Variants in SERPINB1 observed in about 807,000 individuals in gnomAD.
SERPINB1 encodes the protein leukocyte elastase inhibitor.
In SERPINB1, 23 loss-of-function variants were observed where a neutral mutation model predicts 25.9. That is an observed-to-expected ratio of 0.89 (90% CI 0.64 to 1.26). The LOEUF (loss-of-function observed/expected upper bound fraction) is 1.26, where lower values mean the gene tolerates loss of function less well. SERPINB1 is among the 50% of genes most tolerant of loss of function. The pLI is 0.00. For synonymous variants in SERPINB1, 178 were observed against 178.7 expected (o/e 1.00, Z 0.03); for missense variants, 399 against 463.6 (o/e 0.86, Z 1.28).
chr6:2,840,658 T>C (rs892836976), intron 1 of SERPINB1, 64 bp from the exon 2 acceptor site: 1 of 1,466,530 alleles, frequency 6.8e-7, no homozygotes. Flanking sequence ...GGCAGCACTA[T>C]TTCTCCAGAA....
Position 2,840,494 on chromosome 6 carries a change from A to C in SERPINB1, c.93T>G (p.Ser31=). ...CCATAGCAGATGAAATGCTGAAGGG[A>C]GAGATGAAGATGTTTCCAGCCGGAT... The part of the protein sequence containing the change: ...ENNPAGNIFI[S]PFSISSAMAM... The change falls in exon 2 of 7, where the codon TCT becomes TCG. Residue 31 remains serine, a synonymous_variant. Transcript: ENST00000380739. 6.2e-7 allele frequency: 1 copy of C among 1,614,084 alleles called. No individual in the cohort carries two copies. The highest frequency in any genetic ancestry group is 2.2e-5 in the East Asian group (1 of 44,870).
At chr6:2,838,481 C>T in intron 3 of SERPINB1, 68 bp downstream of exon 3, 5 of 1,343,892 alleles carry the variant, frequency 3.7e-6, no homozygotes, top group Non-Finnish European at 4.9e-6. Context: ...ACCTCCATGA[C>T]TTGATTGTGC....
chr6:2,832,998 A>G lies in SERPINB1; in HGVS notation c.*610T>C, dbSNP rs41300837. 0.039 allele frequency: 5,979 copies of G among 152,270 alleles called. 166 individuals carry two copies. Among genetic ancestry groups the G allele is most frequent in the African/African-American group, 0.08 (3,340 of 41,534 alleles). 9.4% of individuals were successfully genotyped at this position (152,270 alleles called of 1,614,324 possible). ...CAGCGCCACATGAACTATATATTAT[A>G]CATAAAGAAGAACAAAAAAGGGAAT... On this transcript the variant is annotated 3_prime_UTR_variant, in exon 7 of 7. Transcript: ENST00000380739.
In SERPINB1 at chr6:2,841,504, G is replaced by A. The variant is rs996170986; in HGVS notation, c.-9+308C>T. On this transcript the variant is annotated intron_variant, in intron 1 of 6. Transcript: ENST00000380739. The surrounding 1 kb of genome is among the most constrained non-coding windows in gnomAD (Gnocchi z 4.5). Reference sequence around the variant, plus strand: ...GGAGGAAGGGAATTCAGGGAGAAGGGACAACATTCTGATCTCAGGTTTCAG... The same window carrying A: ...GGAGGAAGGGAATTCAGGGAGAAGGAACAACATTCTGATCTCAGGTTTCAG... 5 of 152,532 alleles carry A rather than the reference G, an allele frequency of 3.3e-5. No individual in the cohort carries two copies. Among genetic ancestry groups the A allele is most frequent in the African/African-American group, 1.2e-4 (5 of 41,446 alleles). The allele number at this position is 152,532 out of a possible 1,614,324, so 9.4% of individuals were successfully genotyped here.
chr6:2,833,851 A>C lies in SERPINB1; in HGVS notation c.897T>G (p.Ser299Arg), dbSNP rs1488824187. The C allele has an allele frequency of 1.9e-6, 3 of 1,614,184 alleles. No homozygotes were observed. Among genetic ancestry groups the C allele is most frequent in the Middle Eastern group, 1.6e-4 (1 of 6,062 alleles). The change falls in exon 7 of 7, where the codon AGT becomes AGG. Residue 299 changes from serine (S) to arginine (R), a missense_variant. Physicochemically the swap from Ser to Arg is moderately radical, Grantham distance 110 (BLOSUM62 -1). Coordinates refer to ENST00000380739, the MANE Select transcript of SERPINB1 (RefSeq NM_030666.4). Reference protein sequence around the residue: ...ARLGVQDLFNSSKADLSGMSG... With the variant: ...ARLGVQDLFNRSKADLSGMSG... The stretch of plus-strand genomic sequence containing the variant: ...ACATGCCAGACAGATCAGCCTTGCT[A>C]CTGTTAAAGAGATCCTGCACACCTA...
intron 2 of SERPINB1, among the ~76,000 whole-genome samples, chr6:2,840,042 A>G (rs922602330): frequency 6.6e-6 from 1 of 152,088 alleles, no homozygotes; most frequent in African/African-American, 2.4e-5. Flanking sequence ...GGCAATATTT[A>G]TGAGTTGCAT....
intron 6 of SERPINB1, 32 bp downstream of exon 6, chr6:2,835,824 G>C: frequency 1.3e-6 from 2 of 1,589,410 alleles, no homozygotes; most frequent in East Asian, 4.5e-5. Context: ...CATGCAAGAG[G>C]AACCACAAAG....
At chr6:2,834,069 A>T (rs1766418023) in intron 6 of SERPINB1, 57 bp from the exon 7 acceptor site, 14 of 1,467,076 alleles carry the variant, frequency 9.5e-6, no homozygotes, top group Non-Finnish European at 1.3e-5. Flanking sequence ...TAAGTAAGGC[A>T]ATAAAGTATT....
chr6:2,834,548 C>T (rs1251874803), intron 6 of SERPINB1, among the ~76,000 whole-genome samples: 1 of 152,104 alleles, frequency 6.6e-6, no homozygotes, highest in Non-Finnish European at 1.5e-5. Flanking sequence ...CACCCATCCA[C>T]CCATCCATCT....
In SERPINB1 at chr6:2,833,896, G is replaced by T. The variant is rs34648853; in HGVS notation, c.852C>A (p.Leu284=). 6.9e-3 allele frequency: 11,094 copies of T among 1,614,122 alleles called. 686 individuals are homozygous for T. In the African/African-American group the frequency reaches 0.13, roughly 19 times the overall value. The part of the protein sequence containing the change: ...PRFKLEESYT[L]NSDLARLGVQ... ...CACCTAGGCGGGCGAGGTCGGAGTT[G>T]AGAGTGTAACTCTCTTCCAGTTTGA... Residue 284 remains leucine (L), a synonymous_variant, in exon 7 of 7, where the codon CTC becomes CTA. Transcript: ENST00000380739.
chr6:2,833,472 A>T lies in SERPINB1; in HGVS notation c.*136T>A. On this transcript the variant is annotated 3_prime_UTR_variant, in exon 7 of 7. Transcript: ENST00000380739. Reference sequence around the variant, plus strand: ...ATGGGTGTAAACAGCCAACAGAGCCAAACTTACAAAGAAAATGAAAGACTT... The same window carrying T: ...ATGGGTGTAAACAGCCAACAGAGCCTAACTTACAAAGAAAATGAAAGACTT... 1 of 915,654 alleles carries T rather than the reference A, an allele frequency of 1.1e-6. No homozygotes were observed. The highest frequency in any genetic ancestry group is 1.6e-6 in the Non-Finnish European group (1 of 643,066). The allele number at this position is 915,654 out of a possible 1,614,324, so 56.7% of individuals were successfully genotyped here. A position where few individuals can be genotyped will look rare whatever the true frequency, so the allele number is the denominator to read the frequency against.
Position 2,835,942 on chromosome 6 carries a change from G to C in SERPINB1, c.649C>G (p.Leu217Val), listed in dbSNP as rs1158228578. Residue 217 changes from leucine to valine, a missense_variant, in exon 6 of 7, where the codon CTG (leucine) becomes GTG (valine). Transcript: ENST00000380739. Reference sequence around the variant, plus strand: ...TCCTCGCCTTGGTAAGGCAGTTCCAGCACACGGCACTTAAGGTCCTCGATG... The same window carrying C: ...TCCTCGCCTTGGTAAGGCAGTTCCACCACACGGCACTTAAGGTCCTCGATG... ...GYIEDLKCRV[L>V]ELPYQGEELS... 1 of 1,614,142 alleles carries C rather than the reference G, an allele frequency of 6.2e-7. No individual in the cohort carries two copies. Among genetic ancestry groups the C allele is most frequent in the Non-Finnish European group, 8.5e-7 (1 of 1,180,038 alleles).
intron 6 of SERPINB1, among the ~76,000 whole-genome samples, chr6:2,834,513 T>A (rs2113531832): frequency 6.7e-6 from 1 of 149,748 alleles, no homozygotes; most frequent in Non-Finnish European, 1.5e-5. Flanking sequence ...CACCTATCTA[T>A]CATCCATCCA....
At position 2,837,288 on chromosome 6, in the gene SERPINB1, A is replaced by AT. The variant is rs1554141620; in HGVS notation, c.424+593dup. Among the ~76,000 whole-genome samples, 2 of 151,106 alleles carry AT rather than the reference A, an allele frequency of 1.3e-5. No homozygotes were observed. The highest frequency in any genetic ancestry group is 1.5e-5 in the Non-Finnish European group (1 of 67,774). ...TTTTTTATTTTTTATTATTTTTATT[A>AT]TTTTTTTTACGACGGAGTCTCGCTC... On this transcript the variant is annotated intron_variant, in intron 4 of 6. Coordinates refer to ENST00000380739, the MANE Select transcript of SERPINB1 (RefSeq NM_030666.4). The surrounding 1 kb of genome is among the most constrained non-coding windows in gnomAD (Gnocchi z 4.3).
At chr6:2,838,439 G>T in intron 3 of SERPINB1, 110 bp downstream of exon 3, 1 of 1,075,824 alleles carries the variant, frequency 9.3e-7, no homozygotes, top group Non-Finnish European at 1.3e-6. Flanking sequence ...CTTCTGTATT[G>T]TTTTTCTGAA....
chr6:2,833,275 T>C lies in SERPINB1; in HGVS notation c.*333A>G, dbSNP rs1211882625. Reference sequence around the variant, plus strand: ...AACTGCAAAATAAATGACCATCTTATCATGTTTTCCCATGGCTATCAGGAG... The same window carrying C: ...AACTGCAAAATAAATGACCATCTTACCATGTTTTCCCATGGCTATCAGGAG... On this transcript the variant is annotated 3_prime_UTR_variant, in exon 7 of 7. Transcript: ENST00000380739. 1.5e-5 allele frequency: 3 copies of C among 199,086 alleles called. No individual in the cohort carries two copies. The highest frequency in any genetic ancestry group is 2.3e-5 in the African/African-American group (1 of 43,326). The allele number at this position is 199,086 out of a possible 1,614,324, so 12.3% of individuals were successfully genotyped here. A position where few individuals can be genotyped will look rare whatever the true frequency, so the allele number is the denominator to read the frequency against.
At chr6:2,835,162 G>C (rs941803359) in intron 6 of SERPINB1, among the ~76,000 whole-genome samples, 2 of 152,170 alleles carry the variant, frequency 1.3e-5, no homozygotes, top group South Asian at 2.1e-4. Context: ...AGGAGACGGA[G>C]AGCACAGAGC....
chr6:2,840,434 T>TGCC lies in SERPINB1; in HGVS notation c.150_152dup (p.Ala52dup). ...TTCTGCTGACCTTGGACAGCTGTGC[T>TGCC]GCCGTGTTACCTCTGGTCCCCAGAA... On this transcript the variant is annotated inframe_insertion, in exon 2 of 7. Coordinates refer to ENST00000380739, the MANE Select transcript of SERPINB1 (RefSeq NM_030666.4). The TGCC allele has an allele frequency of 6.2e-7, 1 of 1,614,204 alleles. No individual in the cohort carries two copies. The highest frequency in any genetic ancestry group is 8.5e-7 in the Non-Finnish European group (1 of 1,180,036).
intron 2 of SERPINB1, chr6:2,839,508 T>G (rs888646058): frequency 1.0e-6 from 1 of 980,806 alleles, no homozygotes; most frequent in South Asian, 4.7e-5. Context: ...GGTTTTTTTT[T>G]TTTAATGGAT....
Sources: allele counts gnomAD v4.1 joint callset (sites outside exome capture counted in the v4.1 genomes callset), GRCh38; gene constraint gnomAD v4.1.1; non-coding constraint Gnocchi (gnomAD v3.1); transcripts MANE v1.5; gene names NCBI Gene and HGNC (gene_info 2026-07-23, HGNC 2026-07-21).